OPN3: variants seen among roughly 807,000 people sequenced by gnomAD.
OPN3 encodes opsin-3.
OPN3 carries 29 observed loss-of-function variants against 33.8 expected under a neutral mutation model. That is an observed-to-expected ratio of 0.86 (90% CI 0.64 to 1.17). The LOEUF (loss-of-function observed/expected upper bound fraction) is 1.17. Ranked by LOEUF, OPN3 falls within the 50% of genes most tolerant of loss-of-function variation. The pLI is 0.00. For synonymous variants in OPN3, 216 were observed against 216.1 expected, an observed-to-expected ratio of 1.00 and a Z score of 0.00; for missense variants, 437 against 514.1, an observed-to-expected ratio of 0.85 and a Z score of 1.45.
chr1:241,604,922 C>T (rs1663785134), intron 1 of OPN3, among the ~76,000 whole-genome samples: 1 of 151,528 alleles, frequency 6.6e-6, no homozygotes, highest in South Asian at 2.1e-4. Flanking sequence ...AGATGTGGTG[C>T]CATACGCCTG....
intron 1 of OPN3, among the ~76,000 whole-genome samples, chr1:241,636,747 G>C (rs1664914206): frequency 6.6e-6 from 1 of 151,434 alleles, no homozygotes; most frequent in African/African-American, 2.4e-5. Flanking sequence ...AAAAAAGTGT[G>C]TAAGTGTAAG....
At chr1:241,632,975 G>C (rs1208684922) in intron 1 of OPN3, 2 of 152,068 alleles carry the variant, frequency 1.3e-5, no homozygotes, top group African/African-American at 4.8e-5. Flanking sequence ...TTTGGTCTAA[G>C]TTACTTATTG....
chr1:241,634,665 C>T lies in OPN3; in HGVS notation c.373+5217G>A, dbSNP rs201421933. On this transcript the variant is annotated intron_variant, in intron 1 of 3. Transcript: ENST00000366554. ...AAAAAGGGGGTGTTGCCAAACCGTC[C>T]GAGACACTGAAGGAAGTTTTTAGTT... 1.1e-5 allele frequency: 17 copies of T among 1,613,764 alleles called. No individual in the cohort carries two copies. The Middle Eastern group carries it at 4.9e-4, about 47-fold the overall frequency.
intron 2 of OPN3, among the ~76,000 whole-genome samples, chr1:241,598,972 A>G (rs1456388473): frequency 6.6e-6 from 1 of 152,192 alleles, no homozygotes; most frequent in East Asian, 1.9e-4. Context: ...CTCTAAGTGT[A>G]CCTTTTGGTT....
At chr1:241,635,796 T>C (rs1664875897) in intron 1 of OPN3, 2 of 1,578,810 alleles carry the variant, frequency 1.3e-6, no homozygotes, top group South Asian at 1.2e-5. Flanking sequence ...TGGTGACAAC[T>C]GCTGATGAAA....
At position 241,619,210 on chromosome 1, in the gene OPN3, T is replaced by C. The variant is rs778906739; in HGVS notation, c.374-14631A>G. Among the ~76,000 whole-genome samples, 2 of 152,190 alleles carry C rather than the reference T, an allele frequency of 1.3e-5. 1 individual carries two copies. Among genetic ancestry groups the C allele is most frequent in the Admixed American group, 1.3e-4 (2 of 15,284 alleles). The stretch of plus-strand genomic sequence containing the variant: ...GCCTTTGTCCCCATCTGCTGCTCAG[T>C]GGCTGCATATTAGGAATTTGGAAAT... On this transcript the variant is annotated intron_variant, in intron 1 of 3. Coordinates refer to ENST00000366554, the MANE Select transcript of OPN3 (RefSeq NM_014322.3).
At chr1:241,608,889 G>A (rs554795931) in intron 1 of OPN3, among the ~76,000 whole-genome samples, 7 of 152,082 alleles carry the variant, frequency 4.6e-5, no homozygotes, top group Non-Finnish European at 8.8e-5. Context: ...CTTAGTCTTC[G>A]AGGGTAACCC....
intron 1 of OPN3, chr1:241,629,146 C>T (rs958460594): frequency 1.3e-5 from 2 of 152,488 alleles, no homozygotes; most frequent in African/African-American, 2.4e-5. Flanking sequence ...CATTTCCAAT[C>T]GTTGGGCTTT....
chr1:241,619,810 T>C (rs1306957844), intron 1 of OPN3, among the ~76,000 whole-genome samples: 1 of 152,214 alleles, frequency 6.6e-6, no homozygotes, highest in Admixed American at 6.5e-5. Context: ...GATAAAAGTG[T>C]TCCAGGACAA....
intron 3 of OPN3, 158 bp from the exon 4 acceptor site, chr1:241,594,849 C>G (rs1663451355): frequency 1.4e-6 from 1 of 704,932 alleles, no homozygotes; most frequent in East Asian, 2.7e-5. Context: ...CTACCTAAAT[C>G]ACCCCAGAGC....
intron 1 of OPN3, among the ~76,000 whole-genome samples, chr1:241,623,104 A>C (rs940737246): frequency 7.3e-5 from 11 of 151,626 alleles, no homozygotes; most frequent in Admixed American, 3.9e-4. Context: ...AAAAACAAAA[A>C]AAACAAACAA....
chr1:241,623,301 C>T (rs1275250222), intron 1 of OPN3, among the ~76,000 whole-genome samples: 2 of 152,198 alleles, frequency 1.3e-5, no homozygotes, highest in Non-Finnish European at 2.9e-5. Flanking sequence ...GTTCTCAAAT[C>T]TGTCCTTTGT....
chr1:241,637,388 T>C (rs1664938493), intron 1 of OPN3, among the ~76,000 whole-genome samples: 1 of 152,236 alleles, frequency 6.6e-6, no homozygotes, highest in African/African-American at 2.4e-5. Context: ...CCACTCATTT[T>C]TGGCATTCCC....
chr1:241,601,473 G>A (rs1167727976), intron 2 of OPN3, among the ~76,000 whole-genome samples: 1 of 152,104 alleles, frequency 6.6e-6, no homozygotes, highest in Non-Finnish European at 1.5e-5. Context: ...GGGAGGCCAA[G>A]GCGGGCAGAT....
intron 1 of OPN3, among the ~76,000 whole-genome samples, chr1:241,625,914 AC>A (rs1267224726): frequency 1.3e-5 from 2 of 152,134 alleles, no homozygotes; most frequent in East Asian, 3.8e-4. Context: ...CCCTCTACCC[AC>A]TGAATGACAG....
intron 1 of OPN3, 25 bp from the exon 2 acceptor site, chr1:241,604,604 T>C (rs1318033913): frequency 6.3e-7 from 1 of 1,591,574 alleles, no homozygotes; most frequent in Admixed American, 1.7e-5. Flanking sequence ...AGTGGAAAAG[T>C]ATAGCATGGT....
intron 1 of OPN3, chr1:241,635,367 C>A: frequency 6.2e-7 from 1 of 1,614,082 alleles, no homozygotes; most frequent in Non-Finnish European, 8.5e-7. Flanking sequence ...GAATCCAGAA[C>A]TTCAGTGAAG....
intron 1 of OPN3, among the ~76,000 whole-genome samples, chr1:241,613,378 A>G (rs771628471): frequency 2.0e-5 from 3 of 152,234 alleles, no homozygotes; most frequent in Non-Finnish European, 2.9e-5. Context: ...GCTAAAAAAT[A>G]AAAGAGCCAA....
intron 1 of OPN3, chr1:241,635,437 C>T (rs1485744505): frequency 4.3e-6 from 7 of 1,613,960 alleles, no homozygotes; most frequent in Middle Eastern, 3.3e-4. Flanking sequence ...CAACGTTGTC[C>T]TCCATATCCT....
Sources: allele counts gnomAD v4.1 joint callset (sites outside exome capture counted in the v4.1 genomes callset), GRCh38; gene constraint gnomAD v4.1.1; transcripts MANE v1.5; gene names NCBI Gene and HGNC (gene_info 2026-07-23, HGNC 2026-07-21).